Variants in COL5A2 observed in about 807,000 individuals in gnomAD.
COL5A2 encodes collagen alpha-2(V) chain.
In COL5A2, 23 loss-of-function variants were observed where a neutral mutation model predicts 208.2. The observed-to-expected ratio is 0.11, with a 90% CI of 0.08 to 0.16. The LOEUF (loss-of-function observed/expected upper bound fraction) is 0.16, where lower values mean the gene tolerates loss of function less well. COL5A2 is among the 10% of genes least tolerant of loss of function. COL5A2 has a pLI of 1.00. For synonymous variants in COL5A2, 625 were observed against 628.5 expected (o/e 0.99, Z 0.08); for missense variants, 1,590 against 1,956.4 (o/e 0.81, Z 3.53).
chr2:189,098,220 A>T (rs186240299), intron 5 of COL5A2, among the ~76,000 whole-genome samples: 5 of 152,334 alleles, frequency 3.3e-5, no homozygotes, highest in Admixed American at 3.3e-4. Flanking sequence ...AGCTGATTTG[A>T]TGTGTTTAAC....
intron 1 of COL5A2, among the ~76,000 whole-genome samples, chr2:189,207,970 TTC>T (rs1229767545): frequency 6.6e-6 from 1 of 152,230 alleles, no homozygotes; most frequent in African/African-American, 2.4e-5. Flanking sequence ...TTAGCCATAA[TTC>T]TCTGTTTTGC....
the COL5A2 span, among the ~76,000 whole-genome samples, chr2:189,319,492 T>C: frequency 5.3e-5 from 8 of 152,074 alleles, no homozygotes. Context: ...CCAATGGTCT[T>C]AGCAAACAGC....
At chr2:189,306,478 C>T in the COL5A2 span, among the ~76,000 whole-genome samples, 1 of 152,170 alleles carries the variant, frequency 6.6e-6, no homozygotes, top group African/African-American at 2.4e-5. Context: ...ATAAATGCAT[C>T]TTCATCATGT....
intron 1 of COL5A2, among the ~76,000 whole-genome samples, chr2:189,116,222 A>G (rs1257156690): frequency 6.6e-6 from 1 of 152,142 alleles, no homozygotes; most frequent in Non-Finnish European, 1.5e-5. Flanking sequence ...GGGACAAAGG[A>G]GGAGGTAATA....
At chr2:189,388,623 T>C in the COL5A2 span, among the ~76,000 whole-genome samples, 3 of 152,172 alleles carry the variant, frequency 2.0e-5, no homozygotes, top group African/African-American at 7.2e-5. Flanking sequence ...TTTTAAAAGG[T>C]CATCATTGTA....
At chr2:189,315,160 T>C in the COL5A2 span, among the ~76,000 whole-genome samples, 1 of 152,154 alleles carries the variant, frequency 6.6e-6, no homozygotes, top group African/African-American at 2.4e-5. Context: ...TGAACACTGA[T>C]GCAAAAATCC....
chr2:189,034,800 G>A, intron 53 of COL5A2, 116 bp downstream of exon 53: 1 of 1,163,352 alleles, frequency 8.6e-7, no homozygotes, highest in Non-Finnish European at 1.3e-6. Flanking sequence ...TAAACAAACT[G>A]CTATTATGCT....
intron 1 of COL5A2, among the ~76,000 whole-genome samples, chr2:189,149,604 T>C (rs964606988): frequency 5.9e-5 from 9 of 152,196 alleles, no homozygotes; most frequent in Admixed American, 5.9e-4. Flanking sequence ...AAAAGGTTAA[T>C]TATAAAATTA....
At chr2:189,277,254 C>G in the COL5A2 span, among the ~76,000 whole-genome samples, 2 of 152,136 alleles carry the variant, frequency 1.3e-5, no homozygotes, top group Non-Finnish European at 2.9e-5. Context: ...GCCCTCTGAC[C>G]ATAGGTCTTT....
chr2:189,136,545 G>T (rs1687830425), intron 1 of COL5A2, among the ~76,000 whole-genome samples: 1 of 150,046 alleles, frequency 6.7e-6, no homozygotes, highest in African/African-American at 2.4e-5. Context: ...TATCATACAT[G>T]TATAACAATG....
At chr2:189,246,114 A>G in the COL5A2 span, among the ~76,000 whole-genome samples, 1 of 152,234 alleles carries the variant, frequency 6.6e-6, no homozygotes, top group Non-Finnish European at 1.5e-5. Flanking sequence ...AAAAAAACAT[A>G]TATTTCAACC....
At chr2:189,389,998 G>T in the COL5A2 span, among the ~76,000 whole-genome samples, 1 of 152,102 alleles carries the variant, frequency 6.6e-6, no homozygotes, top group Non-Finnish European at 1.5e-5. Flanking sequence ...AAAACATATT[G>T]GTCAATGGAC....
chr2:189,437,413 G>C, the COL5A2 span, among the ~76,000 whole-genome samples: 1 of 152,182 alleles, frequency 6.6e-6, no homozygotes, highest in Non-Finnish European at 1.5e-5. Flanking sequence ...CAAGCTCCCA[G>C]GTGACACTGC....
the COL5A2 span, among the ~76,000 whole-genome samples, chr2:189,384,945 T>C: frequency 6.6e-6 from 1 of 152,202 alleles, no homozygotes; most frequent in Non-Finnish European, 1.5e-5. Context: ...ACATCCATCA[T>C]TTAGGATAAT....
chr2:189,241,856 C>T, the COL5A2 span, among the ~76,000 whole-genome samples: 3 of 152,134 alleles, frequency 2.0e-5, no homozygotes, highest in Admixed American at 6.5e-5. Flanking sequence ...TACTCATTTG[C>T]ACTGGTACTT....
At chr2:189,273,471 A>G in the COL5A2 span, among the ~76,000 whole-genome samples, 1 of 152,172 alleles carries the variant, frequency 6.6e-6, no homozygotes, top group African/African-American at 2.4e-5. Flanking sequence ...TAGAACTACC[A>G]TATGATCCAG....
intron 5 of COL5A2, 51 bp from the exon 6 acceptor site, chr2:189,097,381 G>GA: frequency 1.9e-6 from 3 of 1,588,950 alleles, no homozygotes; most frequent in Non-Finnish European, 2.6e-6. Context: ...CTTTCTTATT[G>GA]AATTTTTAAA....
intron 5 of COL5A2, 54 bp from the exon 6 acceptor site, chr2:189,097,384 T>C: frequency 6.3e-7 from 1 of 1,582,212 alleles, no homozygotes; most frequent in South Asian, 1.1e-5. Flanking sequence ...TCTTATTGAA[T>C]TTTTAAAAGT....
the COL5A2 span, among the ~76,000 whole-genome samples, chr2:189,273,179 T>G: frequency 6.6e-6 from 1 of 152,142 alleles, no homozygotes; most frequent in South Asian, 2.1e-4. Context: ...TAGAAAGTTT[T>G]GAATGTGTGA....
Sources: allele counts gnomAD v4.1 joint callset (sites outside exome capture counted in the v4.1 genomes callset), GRCh38; gene constraint gnomAD v4.1.1; transcripts MANE v1.5; gene names NCBI Gene and HGNC (gene_info 2026-07-23, HGNC 2026-07-21).